The following SEMA3D variants were observed in gnomAD, a reference collection of about 807,000 sequenced individuals.
SEMA3D encodes the protein semaphorin-3D.
A neutral mutation model predicts 100.1 loss-of-function variants in SEMA3D; 84 were observed. The ratio of observed to expected loss-of-function variants is 0.84; its 90% CI spans 0.70 to 1.01. SEMA3D has a LOEUF of 1.01. Among genes scored for constraint, SEMA3D ranks in the 50% least tolerant of loss-of-function variants. The probability of loss-of-function intolerance (pLI) is 0.00; values close to 1 mark genes in which losing one functional copy is unlikely to be tolerated. For missense variants in SEMA3D, 875 were observed against 934.1 expected, an observed-to-expected ratio of 0.94 and a Z score of 0.82; for synonymous variants, 312 against 320.7, an observed-to-expected ratio of 0.97 and a Z score of 0.29.
intron 18 of SEMA3D, among the ~76,000 whole-genome samples, chr7:85,006,529 T>G (rs1789799795): frequency 6.6e-6 from 1 of 152,054 alleles, no homozygotes; most frequent in South Asian, 2.1e-4. Flanking sequence ...TGTTCCTAAA[T>G]ATAGGCAATC....
chr7:85,145,665 G>A (rs1790182643), intron 2 of SEMA3D, among the ~76,000 whole-genome samples: 1 of 152,034 alleles, frequency 6.6e-6, no homozygotes, highest in African/African-American at 2.4e-5. Context: ...GATCTTTATT[G>A]CAGAGAAATT....
chr7:84,999,624 A>G lies in SEMA3D; in HGVS notation c.2150T>C (p.Ile717Thr). 2 of 1,613,900 alleles carry G rather than the reference A, an allele frequency of 1.2e-6. No homozygotes were observed. The highest frequency in any genetic ancestry group is 1.7e-6 in the Non-Finnish European group (2 of 1,179,998). The change falls in exon 19 of 19, where the codon ATC becomes ACC. Residue 717 changes from isoleucine to threonine, a missense_variant. Ile to Thr is a moderately conservative substitution (Grantham distance 89). Transcript: ENST00000284136. ...AESRLRYKDY[I>T]QILSSPNFSL... is the part of the protein sequence containing the mutation. ...GAAGTTTGGGCTGCTAAGGATTTGG[A>G]TGTAGTCTTTGTATCTCAACCGTGA...
At position 85,042,223 on chromosome 7, in the gene SEMA3D, C is replaced by A. The variant is rs545667383; in HGVS notation, c.924G>T (p.Leu308=). 30 of 1,613,590 alleles carry A rather than the reference C, an allele frequency of 1.9e-5. No homozygotes were observed. In the South Asian group the frequency reaches 2.9e-4, roughly 15 times the overall value. The change falls in exon 10 of 19, where the codon CTG becomes CTT. Residue 308 remains leucine, a synonymous_variant. Transcript: ENST00000284136. ...CATCACTTCCAGGAATTGAGCAAAT[C>A]AGTCTGGCCTTAAGAAAAGTCGTCC... ...NKWTTFLKAR[L]ICSIPGSDGA... is the part of the protein sequence containing the mutation.
chr7:85,175,293 A>C (rs1363976469), intron 1 of SEMA3D, among the ~76,000 whole-genome samples: 1 of 152,206 alleles, frequency 6.6e-6, no homozygotes, highest in Non-Finnish European at 1.5e-5. Context: ...AAGCCTTCTA[A>C]ACAATCAACA....
intron 1 of SEMA3D, chr7:85,167,259 T>A (rs1338970709): frequency 5.1e-6 from 5 of 984,692 alleles, no homozygotes; most frequent in Non-Finnish European, 4.8e-6. Flanking sequence ...CATCTGGAGG[T>A]CTTGGCTGGT....
rs183087274 is a variant in SEMA3D at position 85,137,327 on chromosome 7, A to G, written c.-40-15396T>C. Among the ~76,000 whole-genome samples the G allele has an allele frequency of 2.6e-4, 40 of 152,126 alleles. 1 individual carries two copies. Among genetic ancestry groups the G allele is most frequent in the African/African-American group, 9.4e-4 (39 of 41,536 alleles). On this transcript the variant is annotated intron_variant, in intron 2 of 18. Coordinates refer to ENST00000284136, the MANE Select transcript of SEMA3D (RefSeq NM_001384900.1). Reference sequence around the variant, plus strand: ...GACATATATAGTATATACATAGGGTATATACAGGATATGATATATAAGACA... The same window carrying G: ...GACATATATAGTATATACATAGGGTGTATACAGGATATGATATATAAGACA...
intron 3 of SEMA3D, among the ~76,000 whole-genome samples, chr7:85,112,728 A>G (rs879425613): frequency 3.3e-5 from 5 of 152,186 alleles, no homozygotes; most frequent in Non-Finnish European, 5.9e-5. Context: ...TATACATGAT[A>G]AAGTCTGAAT....
intron 3 of SEMA3D, among the ~76,000 whole-genome samples, chr7:85,120,683 A>AAG (rs1789384128): frequency 6.6e-6 from 1 of 150,644 alleles, no homozygotes; most frequent in African/African-American, 2.5e-5. Context: ...AAAAAAAAAA[A>AAG]GGTTTTAATT....
At chr7:85,103,960 C>T (rs759832555) in intron 3 of SEMA3D, among the ~76,000 whole-genome samples, 11 of 151,938 alleles carry the variant, frequency 7.2e-5, no homozygotes, top group Admixed American at 1.3e-4. Flanking sequence ...GAAATTTTCA[C>T]GTTTGTATGT....
At chr7:85,036,828 T>C (rs1362586709) in intron 12 of SEMA3D, 61 bp downstream of exon 12, 2 of 1,371,648 alleles carry the variant, frequency 1.5e-6, no homozygotes, top group African/African-American at 2.9e-5. Flanking sequence ...TTTATTACAA[T>C]TAAATTAAGA....
intron 17 of SEMA3D, among the ~76,000 whole-genome samples, chr7:85,008,903 T>C (rs1419019910): frequency 2.0e-5 from 3 of 151,868 alleles, no homozygotes; most frequent in African/African-American, 7.2e-5. Flanking sequence ...CTGAAGGCTA[T>C]GCGTATAAGG....
rs996792471 is a variant in SEMA3D, at chr7:85,065,341, C to T, written c.718+83G>A. 4 of 1,237,082 alleles carry T rather than the reference C, an allele frequency of 3.2e-6. No homozygotes were observed. The African/African-American group carries it at 4.6e-5, about 14-fold the overall frequency. The allele number at this position is 1,237,082 out of a possible 1,614,324, so 76.6% of individuals were successfully genotyped here. On this transcript the variant is annotated intron_variant, in intron 8 of 18. Transcript: ENST00000284136. Reference sequence around the variant, plus strand: ...GAGCTAAATTAATTATTCCAAAACACATTTGAATGAATAATAATACACTTC... The same window carrying T: ...GAGCTAAATTAATTATTCCAAAACATATTTGAATGAATAATAATACACTTC...
the SEMA3D span, among the ~76,000 whole-genome samples, chr7:85,209,623 G>T: frequency 2.0e-5 from 3 of 151,876 alleles, no homozygotes; most frequent in African/African-American, 7.3e-5. Flanking sequence ...TCCTCTGTTT[G>T]CTTTGACATT....
rs190165002 is a variant in SEMA3D at position 85,047,240 on chromosome 7, G to T, written c.862-4955C>A. Among the ~76,000 whole-genome samples, 4 of 151,994 alleles carry T rather than the reference G, an allele frequency of 2.6e-5. No individual in the cohort carries two copies. In the East Asian group the frequency reaches 7.7e-4, roughly 29 times the overall value. On this transcript the variant is annotated intron_variant, in intron 9 of 18. Coordinates refer to ENST00000284136, the MANE Select transcript of SEMA3D (RefSeq NM_001384900.1). ...AAAATATAGTACATCTGAGTCATTT[G>T]ATTGTATGATGGTTGCATGTTACGA... is the stretch of plus-strand genomic sequence containing the variant.
chr7:85,153,558 T>C (rs979451478), intron 2 of SEMA3D, 50 bp downstream of exon 2: 3 of 152,038 alleles, frequency 2.0e-5, no homozygotes, highest in Non-Finnish European at 4.4e-5. Context: ...TCTATCTATC[T>C]ATCTATCTAT....
intron 1 of SEMA3D, among the ~76,000 whole-genome samples, chr7:85,163,352 T>C (rs530917112): frequency 6.6e-6 from 1 of 152,070 alleles, no homozygotes; most frequent in African/African-American, 2.4e-5. Flanking sequence ...AAAATTGTTA[T>C]AAAGCAAAGA....
the SEMA3D span, among the ~76,000 whole-genome samples, chr7:85,213,149 T>C: frequency 6.6e-6 from 1 of 152,048 alleles, no homozygotes. Context: ...CATTATATGT[T>C]GAACACACTG....
chr7:85,162,028 A>G (rs910403679), intron 1 of SEMA3D, among the ~76,000 whole-genome samples: 1 of 152,088 alleles, frequency 6.6e-6, no homozygotes, highest in East Asian at 1.9e-4. Context: ...TTTGAGAGTC[A>G]ATATAATAAT....
intron 2 of SEMA3D, chr7:85,142,544 T>G: frequency 1.0e-6 from 1 of 982,986 alleles, no homozygotes; most frequent in South Asian, 4.7e-5. Context: ...TTTCCCCAAT[T>G]TGCATTGGAT....
Sources: allele counts gnomAD v4.1 joint callset (sites outside exome capture counted in the v4.1 genomes callset), GRCh38; gene constraint gnomAD v4.1.1; transcripts MANE v1.5; gene names NCBI Gene and HGNC (gene_info 2026-07-23, HGNC 2026-07-21).